SLC22A15: variants seen among roughly 807,000 people sequenced by gnomAD.
SLC22A15 encodes the protein flipt 1.
Under a neutral mutation model 62.7 loss-of-function variants are expected in SLC22A15, and 45 were observed. The observed-to-expected ratio is 0.72, with a 90% CI of 0.56 to 0.92. The LOEUF is 0.92. Ranked by LOEUF, SLC22A15 falls within the 40% of genes least tolerant of loss-of-function variation. The probability of loss-of-function intolerance (pLI) is 0.00; values close to 1 mark genes in which losing one functional copy is unlikely to be tolerated. For synonymous variants in SLC22A15, 264 were observed against 267.0 expected (o/e 0.99, Z 0.11); for missense variants, 622 against 665.6 (o/e 0.93, Z 0.72).
At position 116,067,986 on chromosome 1, in the gene SLC22A15, A is replaced by AC. The variant is rs397692829; in HGVS notation, c.*878_*879insC. ...ATGTTGAGCACCTGGAGGAAAAAAA[A>AC]GGTGCAGTTTTTAATAAGAGAGAAA... On this transcript the variant is annotated 3_prime_UTR_variant, in exon 12 of 12. Coordinates refer to ENST00000369503, the MANE Select transcript of SLC22A15 (RefSeq NM_018420.3). The AC allele has an allele frequency of 1.3e-5, 2 of 152,360 alleles. No homozygotes were observed. The highest frequency in any genetic ancestry group is 3.9e-4 in the East Asian group (2 of 5,174). 9.4% of individuals were successfully genotyped at this position (152,360 alleles called of 1,614,324 possible). A position where few individuals can be genotyped will look rare whatever the true frequency, so the allele number is the denominator to read the frequency against.
At chr1:116,030,166 GCGTGAATATTC>G (rs1398544770) in intron 5 of SLC22A15, among the ~76,000 whole-genome samples, 17 of 152,292 alleles carry the variant, frequency 1.1e-4, no homozygotes, top group Admixed American at 9.2e-4. Context: ...CAAATATTGT[GCGTGAATATTC>G]CTTTCCTCAG....
At chr1:116,049,822 A>G in intron 8 of SLC22A15, among the ~76,000 whole-genome samples, 1 of 152,202 alleles carries the variant, frequency 6.6e-6, no homozygotes, top group East Asian at 1.9e-4. Flanking sequence ...CAGTTCTTTG[A>G]AAAGATAAAT....
chr1:115,988,188 A>G (rs930954510), intron 1 of SLC22A15, among the ~76,000 whole-genome samples: 2 of 152,212 alleles, frequency 1.3e-5, no homozygotes, highest in African/African-American at 4.8e-5. Flanking sequence ...AGATGTTGTT[A>G]TTCCCACTCT....
chr1:116,013,805 G>A (rs1443368882), intron 2 of SLC22A15: 2 of 152,194 alleles, frequency 1.3e-5, no homozygotes, highest in African/African-American at 4.8e-5. Context: ...TCAGTCTGTG[G>A]TTGGCCTAAT....
intron 5 of SLC22A15, among the ~76,000 whole-genome samples, 164 bp from the exon 6 acceptor site, chr1:116,031,202 T>C (rs978385811): frequency 1.3e-5 from 2 of 152,240 alleles, no homozygotes; most frequent in African/African-American, 4.8e-5. Flanking sequence ...GTTAGCATGC[T>C]GTTGAAAGTA....
chr1:116,051,071 A>T (rs547599833), intron 8 of SLC22A15, among the ~76,000 whole-genome samples: 1 of 152,344 alleles, frequency 6.6e-6, no homozygotes, highest in South Asian at 2.1e-4. Flanking sequence ...GAAATCATAG[A>T]TTACACAAAT....
intron 9 of SLC22A15, 67 bp downstream of exon 9, chr1:116,062,949 G>A: frequency 6.3e-7 from 1 of 1,580,902 alleles, no homozygotes; most frequent in Admixed American, 1.7e-5. Context: ...TGCACCAACA[G>A]AGGTGTGGTA....
chr1:116,009,268 G>T (rs896973316), intron 2 of SLC22A15, among the ~76,000 whole-genome samples: 1 of 151,706 alleles, frequency 6.6e-6, no homozygotes, highest in Non-Finnish European at 1.5e-5. Flanking sequence ...TTATATTGAG[G>T]TACCAATGAA....
At chr1:116,012,011 G>A (rs945133951) in intron 2 of SLC22A15, among the ~76,000 whole-genome samples, 1 of 152,138 alleles carries the variant, frequency 6.6e-6, no homozygotes, top group African/African-American at 2.4e-5. Context: ...GGCAAGAAAG[G>A]GCAAAGCCCA....
intron 5 of SLC22A15, among the ~76,000 whole-genome samples, chr1:116,027,884 C>A (rs1221946573): frequency 6.6e-6 from 1 of 152,216 alleles, no homozygotes; most frequent in Non-Finnish European, 1.5e-5. Context: ...CTCAGCCTCC[C>A]AAAGTGCTGG....
At chr1:116,021,979 T>G (rs114368551) in intron 4 of SLC22A15, among the ~76,000 whole-genome samples, 2,741 of 152,302 alleles carry the variant, frequency 0.018, 35 homozygotes, top group East Asian at 0.026. Context: ...CTAACTGGTG[T>G]TGTTTTTGAA....
chr1:116,057,699 C>T (rs1320497852), intron 8 of SLC22A15, among the ~76,000 whole-genome samples: 3 of 152,104 alleles, frequency 2.0e-5, no homozygotes, highest in Non-Finnish European at 2.9e-5. Context: ...AAATGTGGCA[C>T]ATATACACCA....
Position 116,067,738 on chromosome 1 carries a change from C to CA in SLC22A15, c.*631dup, listed in dbSNP as rs1658530327. ...CTTGGGCTGCTGGTGCCTTGAGTCC[C>CA]ACAGATGATTCATTAGGAAAAGCCA... On this transcript the variant is annotated 3_prime_UTR_variant, in exon 12 of 12. Coordinates refer to ENST00000369503, the MANE Select transcript of SLC22A15 (RefSeq NM_018420.3). 1 of 152,318 alleles carries CA rather than the reference C, an allele frequency of 6.6e-6. No homozygotes were observed. The highest frequency in any genetic ancestry group is 2.4e-5 in the African/African-American group (1 of 41,416). The allele number at this position is 152,318 out of a possible 1,614,324, so 9.4% of individuals were successfully genotyped here.
intron 8 of SLC22A15, among the ~76,000 whole-genome samples, chr1:116,049,333 A>G (rs185441544): frequency 6.6e-6 from 1 of 152,336 alleles, no homozygotes; most frequent in African/African-American, 2.4e-5. Context: ...TCTCCAAGAT[A>G]GACTATATGA....
rs1419302223 is a variant in SLC22A15, at chr1:116,067,853, T to G, written c.*745T>G. ...ATACTATATTGTATGATTTCTTCCT[T>G]TCCCACTAATATGCACATCCAGAAA... On this transcript the variant is annotated 3_prime_UTR_variant, in exon 12 of 12. Transcript: ENST00000369503. 6.6e-6 allele frequency: 1 copy of G among 152,182 alleles called. No individual in the cohort carries two copies. Among genetic ancestry groups the G allele is most frequent in the East Asian group, 1.9e-4 (1 of 5,204 alleles). The allele number at this position is 152,182 out of a possible 1,614,324, so 9.4% of individuals were successfully genotyped here. A position where few individuals can be genotyped will look rare whatever the true frequency, so the allele number is the denominator to read the frequency against.
chr1:116,041,143 G>A (rs921545725), intron 8 of SLC22A15, among the ~76,000 whole-genome samples: 2 of 152,280 alleles, frequency 1.3e-5, no homozygotes, highest in Non-Finnish European at 1.5e-5. Context: ...GATAAACACG[G>A]TTCTTAGTGA....
chr1:115,992,302 C>A (rs919407412), intron 2 of SLC22A15, 59 bp downstream of exon 2: 5 of 1,336,380 alleles, frequency 3.7e-6, no homozygotes, highest in African/African-American at 1.5e-5. Context: ...CATAGAGCTA[C>A]TCTTTTTGTC....
chr1:116,065,070 C>T (rs769001424), intron 10 of SLC22A15, among the ~76,000 whole-genome samples: 1 of 152,020 alleles, frequency 6.6e-6, no homozygotes, highest in Non-Finnish European at 1.5e-5. Flanking sequence ...GATTAAATGA[C>T]AGCCCTAAAA....
intron 2 of SLC22A15, among the ~76,000 whole-genome samples, chr1:115,998,574 A>G (rs1655542596): frequency 6.6e-6 from 1 of 152,092 alleles, no homozygotes; most frequent in Non-Finnish European, 1.5e-5. Context: ...ACTTATTGGC[A>G]TATAGTTGCT....
Sources: allele counts gnomAD v4.1 joint callset (sites outside exome capture counted in the v4.1 genomes callset), GRCh38; gene constraint gnomAD v4.1.1; transcripts MANE v1.5; gene names NCBI Gene and HGNC (gene_info 2026-07-23, HGNC 2026-07-21).